PRELID2: variants seen among roughly 807,000 people sequenced by gnomAD.
PRELID2 encodes the protein PRELI domain-containing protein 2.
A neutral mutation model predicts 28.4 loss-of-function variants in PRELID2; 25 were observed. That is an observed-to-expected ratio of 0.88 (90% confidence interval 0.64 to 1.23). The LOEUF is 1.23. Ranked by LOEUF, PRELID2 falls within the 50% of genes most tolerant of loss-of-function variation. The pLI is 0.00. For missense variants in PRELID2, 201 were observed against 214.4 expected (o/e 0.94, Z 0.39); for synonymous variants, 76 against 71.6 (o/e 1.06, Z -0.31).
chr5:145,344,860 A>T, the PRELID2 span, among the ~76,000 whole-genome samples: 2 of 151,980 alleles, frequency 1.3e-5, no homozygotes, highest in African/African-American at 4.8e-5. Flanking sequence ...GTTTGTCCTT[A>T]TTTCATTTTT....
At chr5:145,295,769 C>T in the PRELID2 span, among the ~76,000 whole-genome samples, 1 of 152,032 alleles carries the variant, frequency 6.6e-6, no homozygotes, top group Non-Finnish European at 1.5e-5. Context: ...AAGGCAGAGA[C>T]CTTGTTTATC....
chr5:145,395,659 G>GTTA, the PRELID2 span, among the ~76,000 whole-genome samples: 1 of 152,050 alleles, frequency 6.6e-6, no homozygotes, highest in Non-Finnish European at 1.5e-5. Context: ...ATAATCTGAT[G>GTTA]TTATGCAACA....
chr5:145,655,243 TAA>T (rs1213262834), intron 1 of PRELID2, among the ~76,000 whole-genome samples: 2 of 151,772 alleles, frequency 1.3e-5, no homozygotes, highest in Non-Finnish European at 2.9e-5. Flanking sequence ...CTCAATGAAA[TAA>T]AAGAGGACAC....
chr5:145,678,243 G>A (rs1194805493), intron 1 of PRELID2, among the ~76,000 whole-genome samples: 1 of 152,138 alleles, frequency 6.6e-6, no homozygotes, highest in Non-Finnish European at 1.5e-5. Context: ...GTAAGATTTG[G>A]GCGGTTCTCA....
chr5:145,354,669 C>T, the PRELID2 span, among the ~76,000 whole-genome samples: 3 of 152,036 alleles, frequency 2.0e-5, no homozygotes, highest in Non-Finnish European at 4.4e-5. Context: ...TAAAACCCAC[C>T]ACATACATGA....
intron 5 of PRELID2, among the ~76,000 whole-genome samples, chr5:145,779,039 T>C (rs1758599560): frequency 6.6e-6 from 1 of 152,176 alleles, no homozygotes; most frequent in Admixed American, 6.5e-5. Flanking sequence ...TACTGTTACC[T>C]TTCTGATTAC....
At chr5:145,325,097 G>A in the PRELID2 span, among the ~76,000 whole-genome samples, 3 of 119,300 alleles carry the variant, frequency 2.5e-5, no homozygotes, top group Admixed American at 9.7e-5. Context: ...TTTCTTATAA[G>A]CAATAATTAA....
At chr5:145,328,184 T>C in the PRELID2 span, among the ~76,000 whole-genome samples, 1 of 152,224 alleles carries the variant, frequency 6.6e-6, no homozygotes, top group Non-Finnish European at 1.5e-5. Flanking sequence ...CAGTCTATCG[T>C]TGATGGGCAT....
At chr5:145,298,984 G>A in the PRELID2 span, among the ~76,000 whole-genome samples, 6 of 152,104 alleles carry the variant, frequency 3.9e-5, no homozygotes, top group African/African-American at 7.2e-5. Flanking sequence ...AATATGAAAT[G>A]TGTTCCCTTA....
intron 1 of PRELID2, among the ~76,000 whole-genome samples, chr5:145,476,945 G>C (rs751406305): frequency 6.6e-6 from 1 of 152,074 alleles, no homozygotes; most frequent in South Asian, 2.1e-4. Context: ...GCCTTAATTC[G>C]TTAATAATTA....
At chr5:145,386,252 G>T in the PRELID2 span, among the ~76,000 whole-genome samples, 3 of 152,004 alleles carry the variant, frequency 2.0e-5, no homozygotes, top group South Asian at 6.2e-4. Context: ...CCACTCTCAT[G>T]AGAACAGCAT....
the PRELID2 span, among the ~76,000 whole-genome samples, chr5:145,290,739 T>A: frequency 6.6e-6 from 1 of 151,526 alleles, no homozygotes; most frequent in African/African-American, 2.4e-5. Flanking sequence ...CTCTAGAACT[T>A]AAAGTATAAA....
chr5:145,704,234 C>G (rs143668358), intron 1 of PRELID2: 1 of 152,320 alleles, frequency 6.6e-6, no homozygotes, highest in Non-Finnish European at 1.5e-5. Flanking sequence ...ACTCTAAGCA[C>G]AGCAGTCAAC....
chr5:145,626,614 G>A (rs1175054108), intron 1 of PRELID2, among the ~76,000 whole-genome samples: 2 of 151,898 alleles, frequency 1.3e-5, no homozygotes, highest in East Asian at 3.9e-4. Context: ...ACAGTATGGA[G>A]ATTTCTCAAA....
the PRELID2 span, among the ~76,000 whole-genome samples, chr5:145,423,019 T>A: frequency 4.1e-5 from 6 of 146,702 alleles, no homozygotes; most frequent in African/African-American, 1.5e-4. Flanking sequence ...GGATATGAAA[T>A]TCTGGATTGA....
At chr5:145,269,387 A>G in the PRELID2 span, among the ~76,000 whole-genome samples, 1 of 152,056 alleles carries the variant, frequency 6.6e-6, no homozygotes, top group Non-Finnish European at 1.5e-5. Context: ...AAGTAATGTA[A>G]TTGTGAAATA....
the PRELID2 span, among the ~76,000 whole-genome samples, chr5:145,386,092 T>A: frequency 6.6e-6 from 1 of 152,092 alleles, no homozygotes; most frequent in Admixed American, 6.6e-5. Context: ...GACTAACAGT[T>A]CAGCATGGCT....
the PRELID2 span, among the ~76,000 whole-genome samples, chr5:145,360,657 G>T: frequency 2.6e-5 from 4 of 152,096 alleles, no homozygotes; most frequent in African/African-American, 9.7e-5. Flanking sequence ...ACCACCACCT[G>T]TTCTTGACTA....
chr5:145,293,720 A>G, the PRELID2 span, among the ~76,000 whole-genome samples: 3 of 152,196 alleles, frequency 2.0e-5, no homozygotes, highest in Non-Finnish European at 4.4e-5. Flanking sequence ...TAACATGTAT[A>G]GAGAATAGAG....
Sources: gnomAD v4.1 joint callset for allele counts (sites outside exome capture counted in the v4.1 genomes callset) on GRCh38, gnomAD v4.1.1 for gene constraint, MANE v1.5 for transcripts, NCBI Gene and HGNC (gene_info 2026-07-23, HGNC 2026-07-21) for gene names.